Variants in LRFN5 observed in about 807,000 individuals in gnomAD.
LRFN5 encodes the protein leucine rich repeat and fibronectin type III domain containing 5.
LRFN5 carries 24 observed loss-of-function variants against 45.6 expected under a neutral mutation model. The observed-to-expected ratio is 0.53, with a 90% CI of 0.38 to 0.74. LRFN5 has a LOEUF of 0.74. Among genes scored for constraint, LRFN5 ranks in the 30% least tolerant of loss-of-function variants. LRFN5 has a pLI of 0.00. For synonymous variants in LRFN5, 340 were observed against 313.8 expected (o/e 1.08, Z -0.88); for missense variants, 776 against 861.5 (o/e 0.90, Z 1.24).
chr14:41,789,069 T>C (rs903679276), intron 2 of LRFN5, among the ~76,000 whole-genome samples: 2 of 152,004 alleles, frequency 1.3e-5, no homozygotes, highest in Non-Finnish European at 2.9e-5. Flanking sequence ...ACAATTGATG[T>C]TTGAAGTTTC....
At chr14:41,867,419 T>C (rs188178122) in intron 2 of LRFN5, among the ~76,000 whole-genome samples, 22 of 152,176 alleles carry the variant, frequency 1.4e-4, no homozygotes, top group African/African-American at 5.1e-4. Context: ...ATGCCCTGGT[T>C]TTAATCCAAA....
chr14:41,744,285 C>T (rs754922423), intron 1 of LRFN5, among the ~76,000 whole-genome samples: 9 of 152,098 alleles, frequency 5.9e-5, no homozygotes, highest in Admixed American at 5.2e-4. Flanking sequence ...TGAGCCCAGG[C>T]GGTTGAAGCT....
chr14:41,825,710 T>A (rs907161340), intron 2 of LRFN5, among the ~76,000 whole-genome samples: 1 of 152,164 alleles, frequency 6.6e-6, no homozygotes, highest in African/African-American at 2.4e-5. Flanking sequence ...AATGGATGCA[T>A]ACTCAGTATA....
intron 1 of LRFN5, among the ~76,000 whole-genome samples, chr14:41,720,460 C>T (rs956557888): frequency 3.9e-5 from 6 of 151,964 alleles, no homozygotes; most frequent in African/African-American, 1.2e-4. Context: ...CCCAGTAATG[C>T]GATTGCTAGG....
intron 1 of LRFN5, among the ~76,000 whole-genome samples, chr14:41,706,093 G>A (rs1343741873): frequency 2.0e-4 from 30 of 151,762 alleles, no homozygotes; most frequent in Admixed American, 1.8e-3. Context: ...ACAAAGTTCC[G>A]GAACTTTTTT....
At chr14:41,763,608 TC>T (rs1885758165) in intron 1 of LRFN5, among the ~76,000 whole-genome samples, 1 of 152,118 alleles carries the variant, frequency 6.6e-6, no homozygotes, top group Non-Finnish European at 1.5e-5. Context: ...TGGGTGCAGG[TC>T]TTTCCAAAGC....
intron 2 of LRFN5, among the ~76,000 whole-genome samples, chr14:41,800,573 CTCAT>C (rs1887292633): frequency 6.6e-6 from 1 of 151,604 alleles, no homozygotes; most frequent in South Asian, 2.1e-4. Flanking sequence ...AGGCAAAAAA[CTCAT>C]TACTACTTTA....
intron 4 of LRFN5, chr14:41,894,906 A>C: frequency 1.0e-6 from 1 of 983,752 alleles, no homozygotes; most frequent in Non-Finnish European, 1.2e-6. Context: ...ACAGTCATAT[A>C]TATGTGATCT....
At chr14:41,766,571 A>G (rs766601086) in intron 1 of LRFN5, among the ~76,000 whole-genome samples, 1 of 152,216 alleles carries the variant, frequency 6.6e-6, no homozygotes, top group Non-Finnish European at 1.5e-5. Context: ...TTTAAATATG[A>G]TGAAATCGAA....
intron 1 of LRFN5, among the ~76,000 whole-genome samples, chr14:41,674,146 CG>C (rs1333256760): frequency 7.4e-6 from 1 of 134,998 alleles, no homozygotes; most frequent in Admixed American, 7.3e-5. Flanking sequence ...CCAGTAGGGG[CG>C]GCCGGGCAGA....
At chr14:41,704,355 C>G (rs1377407474) in intron 1 of LRFN5, among the ~76,000 whole-genome samples, 3 of 149,992 alleles carry the variant, frequency 2.0e-5, no homozygotes, top group Non-Finnish European at 4.4e-5. Flanking sequence ...ATTGCTTGTA[C>G]CTCACTTTCA....
At chr14:41,750,729 T>A (rs770768301) in intron 1 of LRFN5, among the ~76,000 whole-genome samples, 1 of 152,050 alleles carries the variant, frequency 6.6e-6, no homozygotes, top group Non-Finnish European at 1.5e-5. Context: ...TGGGGAGGCC[T>A]CAGAAAACTT....
rs58650867 is a variant in LRFN5 at position 41,669,716 on chromosome 14, C to G, written c.-197+61154C>G. ...CAGTTCTTACTGTAGGAATTTATTG[C>G]AGTTCTATCGTTGCATATGCATAAA... On this transcript the variant is annotated intron_variant, in intron 1 of 5. Transcript: ENST00000298119. Among the ~76,000 whole-genome samples the G allele has an allele frequency of 5.1e-3, 768 of 151,998 alleles. 4 individuals carry two copies. Among genetic ancestry groups the G allele is most frequent in the African/African-American group, 0.018 (745 of 41,516 alleles).
intron 1 of LRFN5, among the ~76,000 whole-genome samples, chr14:41,725,126 A>C (rs1729437966): frequency 6.6e-6 from 1 of 152,160 alleles, no homozygotes; most frequent in Admixed American, 6.5e-5. Flanking sequence ...ATCGCCTTAC[A>C]TTAATTCTCT....
At chr14:41,645,253 G>A (rs1048415701) in intron 1 of LRFN5, among the ~76,000 whole-genome samples, 13 of 152,130 alleles carry the variant, frequency 8.5e-5, no homozygotes, top group African/African-American at 3.1e-4. Context: ...TCGATTGATT[G>A]AAATGGAGTC....
At position 41,781,578 on chromosome 14, in the gene LRFN5, AAGAAAGAAAG is replaced by A. The variant is rs757514232; in HGVS notation, c.-21+14551_-21+14560del. On this transcript the variant is annotated intron_variant, in intron 2 of 5. Transcript: ENST00000298119. ...AGAAAGAGAAAGAAAGAAAGAAAGAAAGAAAGAAAGAAAGAAAGAAAGAAAGAAAGAAAGA... is the reference window on the plus strand; with the variant it reads ...AGAAAGAGAAAGAAAGAAAGAAAGAAAAAGAAAGAAAGAAAGAAAGAAAGA... Among the ~76,000 whole-genome samples the A allele has an allele frequency of 1.2e-3, 132 of 114,510 alleles. 1 individual carries two copies. Among genetic ancestry groups the A allele is most frequent in the Admixed American group, 2.1e-3 (24 of 11,604 alleles). The allele number at this position is 114,510 out of a possible 152,430, so 75.1% of individuals were successfully genotyped here.
At chr14:41,639,293 C>T (rs1235619616) in intron 1 of LRFN5, among the ~76,000 whole-genome samples, 1 of 152,024 alleles carries the variant, frequency 6.6e-6, no homozygotes, top group African/African-American at 2.4e-5. Context: ...CTGATAAATA[C>T]TCTAATTTAG....
At chr14:41,659,861 G>GTATT (rs1374641711) in intron 1 of LRFN5, among the ~76,000 whole-genome samples, 1 of 147,480 alleles carries the variant, frequency 6.8e-6, no homozygotes, top group Admixed American at 6.7e-5. Context: ...TTTGAGAAGT[G>GTATT]TCTGTTCATG....
intron 1 of LRFN5, among the ~76,000 whole-genome samples, chr14:41,625,697 A>G (rs1454454526): frequency 6.6e-6 from 1 of 152,150 alleles, no homozygotes; most frequent in Non-Finnish European, 1.5e-5. Context: ...TAAAATAGTC[A>G]TATTTAACTT....
Sources: gnomAD v4.1 joint callset for allele counts (sites outside exome capture counted in the v4.1 genomes callset) on GRCh38, gnomAD v4.1.1 for gene constraint, MANE v1.5 for transcripts, NCBI Gene and HGNC (gene_info 2026-07-23, HGNC 2026-07-21) for gene names.